BTK: variants seen among roughly 807,000 people sequenced by gnomAD.
BTK encodes the protein tyrosine-protein kinase BTK.
BTK carries 5 observed loss-of-function variants against 57.4 expected under a neutral mutation model. The observed-to-expected ratio is 0.09, with a 90% CI of 0.05 to 0.18. The LOEUF (loss-of-function observed/expected upper bound fraction) is 0.18. Ranked by LOEUF, BTK falls within the 10% of genes least tolerant of loss-of-function variation. The pLI is 1.00. For missense variants in BTK, 194 were observed against 501.2 expected (o/e 0.39, Z 5.85); for synonymous variants, 154 against 174.3 (o/e 0.88, Z 0.92).
intron 18 of BTK, among the ~76,000 whole-genome samples, chrX:101,350,820 C>T (rs1157870060): frequency 1.8e-5 from 2 of 111,767 alleles, no homozygotes; most frequent in Non-Finnish European, 3.8e-5. Flanking sequence ...GTTCAGGGAA[C>T]ATTCATGCCA....
At chrX:101,390,660 G>A (rs1555983128), upstream of BTK, 3 of 481,205 alleles carry the variant, frequency 6.2e-6, no homozygotes, top group Admixed American at 5.7e-5. Flanking sequence ...GGAACGTGGA[G>A]GTGGAGGACC....
intron 5 of BTK, among the ~76,000 whole-genome samples, chrX:101,367,852 C>T (rs1358423011): frequency 9.0e-6 from 1 of 111,077 alleles, no homozygotes; most frequent in Non-Finnish European, 1.9e-5. Context: ...GGAGCCCAAG[C>T]TGGTGATGGT....
At chrX:101,374,709 T>C in intron 2 of BTK, 75 bp from the exon 3 acceptor site, 1 of 901,648 alleles carries the variant, frequency 1.1e-6, no homozygotes, top group Non-Finnish European at 1.6e-6. Context: ...GATTTTGTTA[T>C]CTAATCATTC....
intron 16 of BTK, 111 bp downstream of exon 16, chrX:101,354,519 G>T: frequency 2.5e-6 from 2 of 802,849 alleles, no homozygotes; most frequent in Non-Finnish European, 3.7e-6. Flanking sequence ...GGCAGAAAAC[G>T]CTAGAATGAG....
chrX:101,388,165 C>G (rs1311939098), upstream of BTK, among the ~76,000 whole-genome samples: 1 of 111,929 alleles, frequency 8.9e-6, no homozygotes, highest in African/African-American at 3.3e-5. Context: ...CGTGCCCAGG[C>G]TCTTTTCTTC....
At chrX:101,356,714 C>G in intron 14 of BTK, 70 bp downstream of exon 14, 1 of 1,153,990 alleles carries the variant, frequency 8.7e-7, no homozygotes, top group Non-Finnish European at 1.2e-6. Context: ...CTTTAAGCCT[C>G]AGTGGGTTGT....
At chrX:101,377,702 A>G (rs1329819130) in intron 1 of BTK, among the ~76,000 whole-genome samples, 9 of 111,064 alleles carry the variant, frequency 8.1e-5, no homozygotes. Flanking sequence ...CTCTCTCTCA[A>G]GTATCTGTGT....
intron 5 of BTK, among the ~76,000 whole-genome samples, chrX:101,368,026 T>C (rs1555979736): frequency 8.9e-6 from 1 of 112,108 alleles, no homozygotes. Flanking sequence ...GGAGATAGTA[T>C]ATTGGTTCAG....
chrX:101,365,885 G>C (rs1555979376), intron 5 of BTK, among the ~76,000 whole-genome samples: 2 of 112,358 alleles, frequency 1.8e-5, no homozygotes. Context: ...TAAGGAAATG[G>C]AAAGAGAGAG....
chrX:101,374,521 T>C lies in BTK; in HGVS notation c.240+15A>G, dbSNP rs1277142305. 9 of 1,184,809 alleles carry C rather than the reference T, an allele frequency of 7.6e-6. No homozygotes were observed. Among genetic ancestry groups the C allele is most frequent in the Non-Finnish European group, 1.0e-5 (9 of 871,901 alleles). The stretch of plus-strand genomic sequence containing the variant: ...AATCTGCTGTTCCCCATCTCAGACA[T>C]TGGTCTCTTCTTACCGGAATCTGTC... On this transcript the variant is annotated intron_variant, in intron 3 of 18. Transcript: ENST00000308731.
At chrX:101,354,774 A>G in intron 15 of BTK, 80 bp from the exon 16 acceptor site, 3 of 992,523 alleles carry the variant, frequency 3.0e-6, no homozygotes, top group Non-Finnish European at 4.3e-6. Context: ...GACCAGTAGA[A>G]TGAAGCCAGG....
chrX:101,384,097 T>C (rs1323773677), intron 1 of BTK, among the ~76,000 whole-genome samples: 1 of 111,827 alleles, frequency 8.9e-6, no homozygotes, highest in Non-Finnish European at 1.9e-5. Flanking sequence ...TGATAACTCT[T>C]TGGAGAACGC....
intron 3 of BTK, among the ~76,000 whole-genome samples, chrX:101,372,144 A>G (rs1569295786): frequency 8.9e-6 from 1 of 112,181 alleles, no homozygotes; most frequent in Non-Finnish European, 1.9e-5. Flanking sequence ...TAAGGATGAA[A>G]CTTAGAACTA....
In BTK at chrX:101,358,568, A is replaced by G. The variant is rs186280570; in HGVS notation, c.974+49T>C. 30 of 1,174,574 alleles carry G rather than the reference A, an allele frequency of 2.6e-5. No homozygotes were observed. The East Asian group carries it at 7.7e-4, about 30-fold the overall frequency. The stretch of plus-strand genomic sequence containing the variant: ...GGCACAGCATCAAGGAGCTATTAGG[A>G]GGGTACCCCTGTTCTTTGTCCTCAG... On this transcript the variant is annotated intron_variant, in intron 11 of 18. Transcript: ENST00000308731.
upstream of BTK, among the ~76,000 whole-genome samples, chrX:101,387,165 AT>A (rs782638485): frequency 2.6e-4 from 28 of 109,605 alleles, no homozygotes; most frequent in Admixed American, 1.4e-3. Flanking sequence ...ACAGGACCTT[AT>A]TTTTTTTTCT....
intron 16 of BTK, among the ~76,000 whole-genome samples, chrX:101,354,372 A>C (rs1039723440): frequency 9.0e-6 from 1 of 111,490 alleles, no homozygotes; most frequent in East Asian, 2.8e-4. Context: ...AGATCAAGAT[A>C]AGGTATTGGG....
intron 7 of BTK, 105 bp from the exon 8 acceptor site, chrX:101,360,860 T>A: frequency 2.5e-6 from 2 of 796,588 alleles, no homozygotes; most frequent in Non-Finnish European, 3.8e-6. Context: ...TCAGGCATAC[T>A]AAAATATTAC....
chrX:101,372,470 C>T (rs144365889), intron 3 of BTK, among the ~76,000 whole-genome samples: 1,597 of 108,251 alleles, frequency 0.015, 32 homozygotes, highest in African/African-American at 0.05. Context: ...TTTTTTGAGA[C>T]GGAGTCTTGC....
intron 2 of BTK, among the ~76,000 whole-genome samples, chrX:101,374,843 C>A (rs1927156331): frequency 1.8e-5 from 2 of 111,535 alleles, no homozygotes; most frequent in South Asian, 3.8e-4. Context: ...ACTGTATGTA[C>A]CTTCCTCATA....
Sources: gnomAD v4.1 joint callset for allele counts (sites outside exome capture counted in the v4.1 genomes callset) on GRCh38, gnomAD v4.1.1 for gene constraint, MANE v1.5 for transcripts, NCBI Gene and HGNC (gene_info 2026-07-23, HGNC 2026-07-21) for gene names.